The following NRG1 variants were observed in gnomAD, a reference collection of about 807,000 sequenced individuals.
The protein encoded by NRG1 is neuregulin 1.
In NRG1, 18 loss-of-function variants were observed where a neutral mutation model predicts 63.8. The ratio of observed to expected loss-of-function variants is 0.28; its 90% CI spans 0.19 to 0.42. The LOEUF (loss-of-function observed/expected upper bound fraction) is 0.42. Among genes scored for constraint, NRG1 ranks in the 10% least tolerant of loss-of-function variants. The pLI, the probability that NRG1 is intolerant of heterozygous loss-of-function variation, is 1.00. For missense variants in NRG1, 762 were observed against 814.7 expected (o/e 0.94, Z 0.79); for synonymous variants, 302 against 301.3 (o/e 1.00, Z -0.02).
intron 1 of NRG1, among the ~76,000 whole-genome samples, chr8:31,806,096 A>T (rs565604001): frequency 6.6e-6 from 1 of 152,264 alleles, no homozygotes; most frequent in East Asian, 1.9e-4. Flanking sequence ...ATTATATTTG[A>T]TTATTATTAA....
intron 1 of NRG1, among the ~76,000 whole-genome samples, chr8:32,587,033 T>A (rs1308325014): frequency 6.6e-6 from 1 of 152,022 alleles, no homozygotes; most frequent in East Asian, 1.9e-4. Context: ...GCAACATGAA[T>A]CTCTGTATAC....
exon 1 of NRG1, chr8:32,548,458 C>A: frequency 8.5e-7 from 1 of 1,170,836 alleles, no homozygotes; most frequent in Non-Finnish European, 1.1e-6. Context: ...GAGCCGCCAG[C>A]GGTGGGACCC....
At chr8:31,993,549 C>T (rs1841801) in intron 1 of NRG1, among the ~76,000 whole-genome samples, 102,533 of 151,816 alleles carry the variant, frequency 0.68, 37,328 homozygotes, top group Non-Finnish European at 0.82. Flanking sequence ...TTCCCCTGCA[C>T]AAGCTCTCTT....
At chr8:31,730,245 T>C (rs1290797929) in intron 1 of NRG1, among the ~76,000 whole-genome samples, 1 of 152,182 alleles carries the variant, frequency 6.6e-6, no homozygotes, top group Non-Finnish European at 1.5e-5. Context: ...AGTAGTGAAT[T>C]CAAGCTTATG....
At chr8:32,527,030 C>A (rs1830921231) in intron 1 of NRG1, among the ~76,000 whole-genome samples, 1 of 152,144 alleles carries the variant, frequency 6.6e-6, no homozygotes, top group Non-Finnish European at 1.5e-5. Flanking sequence ...CCCTATGCCC[C>A]AGATAGTACC....
downstream of NRG1, among the ~76,000 whole-genome samples, chr8:32,772,834 G>A (rs1014076803): frequency 6.6e-6 from 1 of 152,122 alleles, no homozygotes; most frequent in African/African-American, 2.4e-5. Flanking sequence ...AAAATGCTGT[G>A]CATGACAGCC....
intron 6 of NRG1, among the ~76,000 whole-genome samples, chr8:32,731,402 T>C (rs1014549967): frequency 2.1e-5 from 3 of 144,668 alleles, no homozygotes; most frequent in Non-Finnish European, 4.5e-5. Flanking sequence ...TCTAAGAAAT[T>C]ACACCTTTTT....
At chr8:32,555,839 C>A (rs1362056806) in intron 1 of NRG1, among the ~76,000 whole-genome samples, 1 of 152,186 alleles carries the variant, frequency 6.6e-6, no homozygotes, top group Non-Finnish European at 1.5e-5. Flanking sequence ...TTAATTCCAC[C>A]CTGTACTTGT....
At chr8:31,765,130 A>C (rs1260735128) in intron 1 of NRG1, among the ~76,000 whole-genome samples, 5 of 152,092 alleles carry the variant, frequency 3.3e-5, no homozygotes, top group Admixed American at 1.3e-4. Context: ...TGGTGTTCAC[A>C]TATATATTGC....
intron 2 of NRG1, among the ~76,000 whole-genome samples, chr8:32,604,130 T>C (rs1844851027): frequency 1.3e-5 from 2 of 152,070 alleles, no homozygotes; most frequent in South Asian, 4.1e-4. Context: ...TTTAGACACG[T>C]GAGAGCAGCT....
At chr8:32,535,518 A>G (rs1055785059) in intron 1 of NRG1, among the ~76,000 whole-genome samples, 13 of 152,220 alleles carry the variant, frequency 8.5e-5, no homozygotes, top group African/African-American at 2.9e-4. Flanking sequence ...AAAAATAGAA[A>G]AAAAGCCACA....
chr8:32,276,968 T>C (rs1852173204), intron 1 of NRG1, among the ~76,000 whole-genome samples: 1 of 152,204 alleles, frequency 6.6e-6, no homozygotes. Flanking sequence ...GTAAGGTTGT[T>C]ACCTGTGGCC....
chr8:31,950,524 C>T (rs1364723724), intron 1 of NRG1, among the ~76,000 whole-genome samples: 3 of 152,226 alleles, frequency 2.0e-5, no homozygotes, highest in Non-Finnish European at 4.4e-5. Context: ...TGAGCAGCAG[C>T]TGGAACAGTT....
chr8:32,445,890 A>C (rs1820177504), intron 1 of NRG1, among the ~76,000 whole-genome samples: 2 of 152,054 alleles, frequency 1.3e-5, no homozygotes, highest in South Asian at 4.2e-4. Flanking sequence ...TGTACATGAG[A>C]AGAGGCTGTG....
chr8:31,881,241 T>C (rs2683767), intron 1 of NRG1, among the ~76,000 whole-genome samples: 8 of 151,862 alleles, frequency 5.3e-5, no homozygotes, highest in African/African-American at 1.9e-4. Flanking sequence ...TGCTCACTTT[T>C]TGTCACATTT....
At position 32,079,178 on chromosome 8, in the gene NRG1, C is replaced by CACACACAT. The variant is rs774021879; in HGVS notation, c.37+439750_37+439751insCACATACA. On this transcript the variant is annotated intron_variant, in intron 1 of 10. Coordinates refer to the NRG1 transcript ENST00000519301. Reference sequence around the variant, plus strand: ...ACACACACACACACACACACACACACACATACACGCACATACAAGGGGTCA... The same window carrying CACACACAT: ...ACACACACACACACACACACACACACACACACATACATACACGCACATACAAGGGGTCA... Among the ~76,000 whole-genome samples the CACACACAT allele has an allele frequency of 4.3e-3, 650 of 151,792 alleles. 3 individuals carry two copies. Among genetic ancestry groups the CACACACAT allele is most frequent in the Middle Eastern group, 6.8e-3 (2 of 294 alleles).
Position 31,640,917 on chromosome 8 carries a change from C to T in NRG1, c.37+1486C>T, listed in dbSNP as rs1221500400. Among the ~76,000 whole-genome samples the T allele has an allele frequency of 2.0e-5, 3 of 152,316 alleles. No individual in the cohort carries two copies. The highest frequency in any genetic ancestry group is 1.9e-4 in the East Asian group (1 of 5,170). On this transcript the variant is annotated intron_variant, in intron 1 of 10. Coordinates refer to the NRG1 transcript ENST00000519301. This position sits in a 1 kb window ranked among gnomAD's most constrained non-coding sequence, Gnocchi z 6.3. Reference sequence around the variant, plus strand: ...TTTCGCTTTCTCCAGCTTCCCTTGTCTTAGGCTTTGCCACTGGAGAAAGCC... The same window carrying T: ...TTTCGCTTTCTCCAGCTTCCCTTGTTTTAGGCTTTGCCACTGGAGAAAGCC...
chr8:32,729,255 A>G (rs1246599397), intron 6 of NRG1, among the ~76,000 whole-genome samples: 2 of 152,156 alleles, frequency 1.3e-5, no homozygotes, highest in Non-Finnish European at 2.9e-5. Flanking sequence ...TAGTCTACAT[A>G]TGGTATATGG....
rs73242153 is a variant in NRG1, at chr8:31,811,454, C to T, written c.37+172023C>T. Among the ~76,000 whole-genome samples, 454 of 152,284 alleles carry T rather than the reference C, an allele frequency of 3.0e-3. 1 individual carries two copies. The highest frequency in any genetic ancestry group is 0.01 in the Middle Eastern group (3 of 294). On this transcript the variant is annotated intron_variant, in intron 1 of 10. Coordinates refer to the NRG1 transcript ENST00000519301. ...TTAAAATTTTCCCCGATGTGCCATGCACTTATTCTAAAATATGATTTTTTT... is the reference window on the plus strand; with the variant it reads ...TTAAAATTTTCCCCGATGTGCCATGTACTTATTCTAAAATATGATTTTTTT...
Sources: gnomAD v4.1 joint callset for allele counts (sites outside exome capture counted in the v4.1 genomes callset) on GRCh38, gnomAD v4.1.1 for gene constraint, Gnocchi (gnomAD v3.1) non-coding constraint, MANE v1.5 for transcripts, NCBI Gene and HGNC (gene_info 2026-07-23, HGNC 2026-07-21) for gene names.